The following AGAP1 variants were observed in gnomAD, a reference collection of about 807,000 sequenced individuals.
AGAP1 encodes the protein arf-GAP with GTPase, ANK repeat and PH domain-containing protein 1.
Under a neutral mutation model 105.3 loss-of-function variants are expected in AGAP1, and 29 were observed. The ratio of observed to expected loss-of-function variants is 0.28; its 90% CI spans 0.21 to 0.38. The LOEUF (loss-of-function observed/expected upper bound fraction) is 0.38. Ranked by LOEUF, AGAP1 falls within the 10% of genes least tolerant of loss-of-function variation. AGAP1 has a pLI of 1.00. For missense variants in AGAP1, 998 were observed against 1,165.1 expected (o/e 0.86, Z 2.09); for synonymous variants, 509 against 485.9 (o/e 1.05, Z -0.63).
chr2:235,768,033 C>T (rs1559460631), intron 6 of AGAP1, among the ~76,000 whole-genome samples: 1 of 152,072 alleles, frequency 6.6e-6, no homozygotes, highest in African/African-American at 2.4e-5. Context: ...CCATTCCACT[C>T]GCCTCTGCCT....
At chr2:235,613,026 G>GT (rs397935531) in intron 1 of AGAP1, among the ~76,000 whole-genome samples, 2,883 of 134,992 alleles carry the variant, frequency 0.021, 31 homozygotes, top group African/African-American at 0.03. Flanking sequence ...TTTCAGTTTT[G>GT]TTTTTTTTTT....
At chr2:236,033,906 C>T (rs2057301113) in intron 13 of AGAP1, among the ~76,000 whole-genome samples, 1 of 152,180 alleles carries the variant, frequency 6.6e-6, no homozygotes, top group South Asian at 2.1e-4. Context: ...CTAGAAGATC[C>T]AATAAATGCT....
intron 6 of AGAP1, among the ~76,000 whole-genome samples, chr2:235,770,125 C>CTTTCTTTT (rs1422432562): frequency 1.8e-5 from 2 of 110,660 alleles, no homozygotes; most frequent in East Asian, 6.1e-4. Context: ...TTTTTTCTTT[C>CTTTCTTTT]TTTGTTTCTT....
rs1303435770 is a variant in AGAP1, at chr2:235,660,787, A to G, written c.164-48392A>G. Among the ~76,000 whole-genome samples, 2 of 152,214 alleles carry G rather than the reference A, an allele frequency of 1.3e-5. No homozygotes were observed. Among genetic ancestry groups the G allele is most frequent in the Non-Finnish European group, 2.9e-5 (2 of 68,036 alleles). On this transcript the variant is annotated intron_variant, in intron 1 of 17. Coordinates refer to ENST00000304032, the MANE Select transcript of AGAP1 (RefSeq NM_001037131.3). The surrounding 1 kb of genome is among the most constrained non-coding windows in gnomAD (Gnocchi z 5.3). Reference sequence around the variant, plus strand: ...CAGCATTGGAGCAGATGCTCCCCATACATCATCACATCTTATTGTCGCAGC... The same window carrying G: ...CAGCATTGGAGCAGATGCTCCCCATGCATCATCACATCTTATTGTCGCAGC...
intron 9 of AGAP1, among the ~76,000 whole-genome samples, chr2:235,840,702 G>A (rs543390736): frequency 2.6e-5 from 4 of 152,124 alleles, no homozygotes; most frequent in South Asian, 2.1e-4. Flanking sequence ...GGAGGCTTTC[G>A]GAAAGTAGAA....
chr2:235,613,213 C>T (rs1291323380), intron 1 of AGAP1, among the ~76,000 whole-genome samples: 2 of 152,046 alleles, frequency 1.3e-5, no homozygotes, highest in East Asian at 3.9e-4. Context: ...CCAGGCTGGT[C>T]TTGAACTCCT....
At position 236,000,275 on chromosome 2, in the gene AGAP1, G is replaced by A. The variant is rs1036656217; in HGVS notation, c.1645+31652G>A. On this transcript the variant is annotated intron_variant, in intron 13 of 17. Coordinates refer to ENST00000304032, the MANE Select transcript of AGAP1 (RefSeq NM_001037131.3). This position sits in a 1 kb window ranked among gnomAD's most constrained non-coding sequence, Gnocchi z 4.3. ...AGCGAAAGGACTTATAATGAAGCCA[G>A]TTTTTTTCCTTATCAGCATCATAAT... is the stretch of plus-strand genomic sequence containing the variant. Among the ~76,000 whole-genome samples the A allele has an allele frequency of 2.0e-5, 3 of 152,186 alleles. No individual in the cohort carries two copies. Among genetic ancestry groups the A allele is most frequent in the Non-Finnish European group, 4.4e-5 (3 of 68,050 alleles).
chr2:235,967,593 A>G lies in AGAP1; in HGVS notation c.1484-869A>G, dbSNP rs1373579078. Among the ~76,000 whole-genome samples, 8 of 152,220 alleles carry G rather than the reference A, an allele frequency of 5.3e-5. No homozygotes were observed. The stretch of plus-strand genomic sequence containing the variant: ...CAGCTGAATGAGTGCGGTGTGCTGT[A>G]CAGAACTCTGACTTTGGACTTAAAG... On this transcript the variant is annotated intron_variant, in intron 12 of 17. Coordinates refer to ENST00000304032, the MANE Select transcript of AGAP1 (RefSeq NM_001037131.3). The surrounding 1 kb of genome is among the most constrained non-coding windows in gnomAD (Gnocchi z 4.7).
chr2:235,671,682 G>A (rs1185088000), intron 1 of AGAP1, among the ~76,000 whole-genome samples: 1 of 152,196 alleles, frequency 6.6e-6, no homozygotes, highest in African/African-American at 2.4e-5. Context: ...AATGAGGAGA[G>A]CGAGTCTGGG....
rs1468933815 is a variant in AGAP1, at chr2:235,736,523, C to T, written c.311-4440C>T. Among the ~76,000 whole-genome samples, 1 of 152,146 alleles carries T rather than the reference C, an allele frequency of 6.6e-6. No homozygotes were observed. The highest frequency in any genetic ancestry group is 2.4e-5 in the African/African-American group (1 of 41,434). On this transcript the variant is annotated intron_variant, in intron 3 of 17. Transcript: ENST00000304032. This position sits in a 1 kb window ranked among gnomAD's most constrained non-coding sequence, Gnocchi z 5.5. Reference sequence around the variant, plus strand: ...AAAATACATGGAAATGGGGACAAAACAGGCATTTCAGAAGCTACATTCAGC... The same window carrying T: ...AAAATACATGGAAATGGGGACAAAATAGGCATTTCAGAAGCTACATTCAGC...
In AGAP1 at chr2:235,789,083, T is replaced by G. The variant is rs1239475012; in HGVS notation, c.674-8676T>G. On this transcript the variant is annotated intron_variant, in intron 6 of 17. Transcript: ENST00000304032. This position sits in a 1 kb window ranked among gnomAD's most constrained non-coding sequence, Gnocchi z 4.2. Reference sequence around the variant, plus strand: ...CATGGAAGAGGAAGGGATGTGTGTTTCCTGCAGCGTGATTTGAAGTCCCCT... The same window carrying G: ...CATGGAAGAGGAAGGGATGTGTGTTGCCTGCAGCGTGATTTGAAGTCCCCT... Among the ~76,000 whole-genome samples, 3 of 152,248 alleles carry G rather than the reference T, an allele frequency of 2.0e-5. No homozygotes were observed. Among genetic ancestry groups the G allele is most frequent in the African/African-American group, 7.2e-5 (3 of 41,466 alleles).
rs1463385072 is a variant in AGAP1 at position 235,744,780 on chromosome 2, G to T, written c.479G>T (p.Ser160Ile). 6.2e-7 allele frequency: 1 copy of T among 1,613,868 alleles called. No individual in the cohort carries two copies. Among genetic ancestry groups the T allele is most frequent in the East Asian group, 2.2e-5 (1 of 44,834 alleles). ...ISFQTVYHYY[S>I]RMANYRNTSE... ...TTCCAGACCGTTTACCACTACTACA[G>T]TCGAATGGCCAACTATCGGAACACG... The change falls in exon 5 of 18, where the codon AGT becomes ATT. Residue 160 changes from serine to isoleucine, a missense_variant. By Grantham distance (142) the Ser-to-Ile change is moderately radical. Transcript: ENST00000304032. This position sits in a 1 kb window ranked among gnomAD's most constrained non-coding sequence, Gnocchi z 5.2.
intron 9 of AGAP1, among the ~76,000 whole-genome samples, chr2:235,839,751 C>T (rs6747823): frequency 1.3e-3 from 195 of 152,258 alleles, no homozygotes; most frequent in African/African-American, 4.4e-3. Context: ...GGGGCTCCTA[C>T]GTGTACCTCC....
chr2:235,571,140 T>C (rs1225396336), intron 1 of AGAP1, among the ~76,000 whole-genome samples: 1 of 152,124 alleles, frequency 6.6e-6, no homozygotes, highest in Admixed American at 6.5e-5. Flanking sequence ...GAGAACTCCT[T>C]ATCACAGGAA....
chr2:235,826,314 T>C (rs1046601443), intron 9 of AGAP1, among the ~76,000 whole-genome samples: 3 of 152,234 alleles, frequency 2.0e-5, no homozygotes, highest in African/African-American at 7.2e-5. Flanking sequence ...GAGATGCTGC[T>C]TGGGCAGATA....
chr2:235,896,902 T>C (rs1177020889), intron 10 of AGAP1, among the ~76,000 whole-genome samples: 2 of 152,232 alleles, frequency 1.3e-5, no homozygotes, highest in African/African-American at 4.8e-5. Flanking sequence ...TGTAATTCTT[T>C]CTTTGTTTTA....
At chr2:235,730,440 C>G (rs1951877242) in intron 3 of AGAP1, among the ~76,000 whole-genome samples, 1 of 141,968 alleles carries the variant, frequency 7.0e-6, no homozygotes, top group African/African-American at 2.6e-5. Flanking sequence ...GAGTTAGGCA[C>G]TTTCTCCAGT....
chr2:235,902,635 G>A (rs1187599961), intron 10 of AGAP1, among the ~76,000 whole-genome samples: 1 of 152,156 alleles, frequency 6.6e-6, no homozygotes, highest in African/African-American at 2.4e-5. Flanking sequence ...ATACAAGTTT[G>A]CCACATACAT....
rs192821258 is a variant in AGAP1, at chr2:235,974,475, C to A, written c.1645+5852C>A. On this transcript the variant is annotated intron_variant, in intron 13 of 17. Coordinates refer to ENST00000304032, the MANE Select transcript of AGAP1 (RefSeq NM_001037131.3). ...TGCAGAAATCCTGGTGTTATCCCCCCCTTGGGTTCACAGCGCTTTGTTCTG... is the reference window on the plus strand; with the variant it reads ...TGCAGAAATCCTGGTGTTATCCCCCACTTGGGTTCACAGCGCTTTGTTCTG... Among the ~76,000 whole-genome samples, 74 of 152,212 alleles carry A rather than the reference C, an allele frequency of 4.9e-4. 1 individual carries two copies. Among genetic ancestry groups the A allele is most frequent in the Non-Finnish European group, 8.7e-4 (59 of 68,038 alleles).
Sources: gnomAD v4.1 joint callset for allele counts (sites outside exome capture counted in the v4.1 genomes callset) on GRCh38, gnomAD v4.1.1 for gene constraint, Gnocchi (gnomAD v3.1) non-coding constraint, MANE v1.5 for transcripts, NCBI Gene and HGNC (gene_info 2026-07-23, HGNC 2026-07-21) for gene names.